ERBB2: variants seen among roughly 807,000 people sequenced by gnomAD.
The protein encoded by ERBB2 is receptor tyrosine-protein kinase erbB-2.
Under a neutral mutation model 149.0 loss-of-function variants are expected in ERBB2, and 61 were observed. That is an observed-to-expected ratio of 0.41 (90% confidence interval 0.33 to 0.51). The LOEUF (loss-of-function observed/expected upper bound fraction) is 0.51, where lower values mean the gene tolerates loss of function less well. Among genes scored for constraint, ERBB2 ranks in the 20% least tolerant of loss-of-function variants. The pLI, the probability that ERBB2 is intolerant of heterozygous loss-of-function variation, is 0.25. For missense variants in ERBB2, 1,205 were observed against 1,655.1 expected (o/e 0.73, Z 4.72); for synonymous variants, 633 against 678.8 (o/e 0.93, Z 1.05).
chr17:39,699,657 GA>G, upstream of ERBB2: 5 of 1,012,216 alleles, frequency 4.9e-6, no homozygotes, highest in Non-Finnish European at 7.5e-6. Context: ...ACCATTATTT[GA>G]TATTAAAACA....
chr17:39,699,994 A>C (rs761043239), upstream of ERBB2: 23 of 1,265,374 alleles, frequency 1.8e-5, no homozygotes, highest in Admixed American at 4.0e-5. Flanking sequence ...TCCCAATCAC[A>C]GGAGAAGGAG....
At chr17:39,724,066 GTCTGGGC>G in intron 19 of ERBB2, 56 bp downstream of exon 19, 1 of 1,294,664 alleles carries the variant, frequency 7.7e-7, no homozygotes, top group Non-Finnish European at 1.1e-6. Flanking sequence ...ATGGCTGCAG[GTCTGGGC>G]TCTGGTCTCT....
chr17:39,704,088 G>A (rs2058269933), intron 1 of ERBB2, among the ~76,000 whole-genome samples: 1 of 152,136 alleles, frequency 6.6e-6, no homozygotes, highest in South Asian at 2.1e-4. Flanking sequence ...GGTCCCTTTT[G>A]TTCGGAGACT....
At chr17:39,705,263 G>A (rs2058355720) in intron 1 of ERBB2, among the ~76,000 whole-genome samples, 1 of 152,216 alleles carries the variant, frequency 6.6e-6, no homozygotes. Context: ...AAGGGCTACA[G>A]GGGGTGGAGT....
chr17:39,726,786 C>A lies in ERBB2; in HGVS notation c.2971-29C>A, dbSNP rs2143161855. The A allele has an allele frequency of 3.2e-5, 52 of 1,605,312 alleles. No individual in the cohort carries two copies. Among genetic ancestry groups the A allele is most frequent in the Non-Finnish European group, 4.4e-5 (52 of 1,173,084 alleles). On this transcript the variant is annotated intron_variant, in intron 24 of 26. Transcript: ENST00000269571. This position sits in a 1 kb window ranked among gnomAD's most constrained non-coding sequence, Gnocchi z 5.1. ...GGCTGCATGCTGGGCTGGGGAGGGGCCACCATCCTGCCTCTCCTTCCTCCA... is the reference window on the plus strand; with the variant it reads ...GGCTGCATGCTGGGCTGGGGAGGGGACACCATCCTGCCTCTCCTTCCTCCA...
chr17:39,702,937 C>T (rs2058195443), intron 1 of ERBB2, among the ~76,000 whole-genome samples: 1 of 152,172 alleles, frequency 6.6e-6, no homozygotes, highest in Non-Finnish European at 1.5e-5. Flanking sequence ...TTATTCCAGC[C>T]AACAATAATG....
rs1435555023 is a variant in ERBB2 at position 39,724,830 on chromosome 17, C to G, written c.2412C>G (p.Gly804=). 1 of 1,614,130 alleles carries G rather than the reference C, an allele frequency of 6.2e-7. No individual in the cohort carries two copies. The highest frequency in any genetic ancestry group is 1.7e-5 in the Admixed American group (1 of 60,008). Residue 804 remains glycine, a synonymous_variant, in exon 20 of 27, where the codon GGC becomes GGG. Coordinates refer to ENST00000269571, the MANE Select transcript of ERBB2 (RefSeq NM_004448.4). ...VQLVTQLMPY[G]CLLDHVRENR... ...TGGTGACACAGCTTATGCCCTATGG[C>G]TGCCTCTTAGACCATGTCCGGGAAA...
chr17:39,698,699 G>C (rs1439958280), upstream of ERBB2, among the ~76,000 whole-genome samples: 1 of 152,166 alleles, frequency 6.6e-6, no homozygotes, highest in Non-Finnish European at 1.5e-5. Flanking sequence ...AGAAATGCAA[G>C]TGTATACCTG....
At chr17:39,689,845 G>T (rs1241029250) in intron 2 of ERBB2, among the ~76,000 whole-genome samples, 1 of 151,154 alleles carries the variant, frequency 6.6e-6, no homozygotes, top group Non-Finnish European at 1.5e-5. Context: ...GGCAGAGGTT[G>T]TGGTGAGCCA....
intron 15 of ERBB2, 84 bp downstream of exon 15, chr17:39,717,564 C>A (rs2145717028): frequency 8.9e-7 from 1 of 1,129,452 alleles, no homozygotes; most frequent in Non-Finnish European, 1.2e-6. Flanking sequence ...AGGGGACCAA[C>A]TCTCCCTTTG....
upstream of ERBB2, among the ~76,000 whole-genome samples, chr17:39,691,411 G>A (rs1019444356): frequency 2.6e-5 from 4 of 151,810 alleles, no homozygotes; most frequent in South Asian, 6.3e-4. Context: ...GGGCATGGTG[G>A]CACGTGCCTG....
At chr17:39,692,657 AGCCTCCCAAAGT>A (rs2057740484), upstream of ERBB2, among the ~76,000 whole-genome samples, 2 of 151,986 alleles carry the variant, frequency 1.3e-5, no homozygotes, top group African/African-American at 4.8e-5. Flanking sequence ...CGTCCGCCTC[AGCCTCCCAAAGT>A]GCTAGGATTA....
At chr17:39,710,594 A>C (rs2058740463) in intron 7 of ERBB2, 113 bp downstream of exon 7, 2 of 1,262,874 alleles carry the variant, frequency 1.6e-6, no homozygotes, top group Non-Finnish European at 2.2e-6. Context: ...TGGTCATGAC[A>C]GTTCCTGCCG....
At chr17:39,700,423 C>G in intron 1 of ERBB2, 112 bp downstream of exon 1, 4 of 928,218 alleles carry the variant, frequency 4.3e-6, no homozygotes, top group Non-Finnish European at 5.7e-6. Context: ...GCTCTCCTAT[C>G]CCGAAGTTGT....
rs1279411372 is a variant in ERBB2 at position 39,723,448 on chromosome 17, G to A, written c.2076G>A (p.Gln692=). The part of the protein sequence containing the change: ...IRKYTMRRLL[Q]ETELVEPLTP... ...AGTACACGATGCGGAGACTGCTGCA[G>A]GAAACGGAGGTGAGGCGGGGTGAAG... is the stretch of plus-strand genomic sequence containing the variant. Residue 692 remains glutamine (Q), a synonymous_variant, in exon 17 of 27, where the codon CAG becomes CAA. Coordinates refer to ENST00000269571, the MANE Select transcript of ERBB2 (RefSeq NM_004448.4). The surrounding 1 kb of genome is among the most constrained non-coding windows in gnomAD (Gnocchi z 6.2). 1 of 1,614,232 alleles carries A rather than the reference G, an allele frequency of 6.2e-7. No individual in the cohort carries two copies. The highest frequency in any genetic ancestry group is 1.7e-5 in the Admixed American group (1 of 60,028).
At chr17:39,700,338 A>G (rs2145272079) in intron 1 of ERBB2, 27 bp downstream of exon 1, 1 of 1,338,000 alleles carries the variant, frequency 7.5e-7, no homozygotes, top group Non-Finnish European at 9.6e-7. Context: ...GAGGGGACGG[A>G]GCAGCGGCGG....
At position 39,728,508 on chromosome 17, in the gene ERBB2, G is replaced by C. The variant is rs530844735; in HGVS notation, c.*464G>C. ...TCAGTATCCAGGCTTTGTACAGAGT[G>C]CTTTTCTGTTTAGTTTTTACTTTTT... On this transcript the variant is annotated 3_prime_UTR_variant, in exon 27 of 27. Coordinates refer to ENST00000269571, the MANE Select transcript of ERBB2 (RefSeq NM_004448.4). 1.1e-3 allele frequency: 256 copies of C among 240,148 alleles called. 1 individual carries two copies. The highest frequency in any genetic ancestry group is 4.9e-3 in the African/African-American group (224 of 45,708). 14.9% of individuals were successfully genotyped at this position (240,148 alleles called of 1,614,324 possible). A position where few individuals can be genotyped will look rare whatever the true frequency, so the allele number is the denominator to read the frequency against.
rs1364766454 is a variant in ERBB2 at position 39,727,733 on chromosome 17, C to A, written c.3457C>A (p.Arg1153=). 6.3e-7 allele frequency: 1 copy of A among 1,582,928 alleles called. No homozygotes were observed. Among genetic ancestry groups the A allele is most frequent in the East Asian group, 2.2e-5 (1 of 44,588 alleles). ...PDVRPQPPSP[R]EGPLPAARPA... ...TGTTCGGCCCCAGCCCCCTTCGCCC[C>A]GAGAGGGCCCTCTGCCTGCTGCCCG... The change falls in exon 27 of 27, where the codon CGA becomes AGA. Residue 1153 remains arginine (R), a synonymous_variant. Coordinates refer to ENST00000269571, the MANE Select transcript of ERBB2 (RefSeq NM_004448.4). This position sits in a 1 kb window ranked among gnomAD's most constrained non-coding sequence, Gnocchi z 4.3.
upstream of ERBB2, among the ~76,000 whole-genome samples, chr17:39,694,255 ATATATATATATATG>A (rs1484852320): frequency 6.3e-3 from 179 of 28,238 alleles, 9 homozygotes; most frequent in Middle Eastern, 0.021. Flanking sequence ...ATATATATAT[ATATATATATATATG>A]TGTGTATATA....
Sources: allele counts gnomAD v4.1 joint callset (sites outside exome capture counted in the v4.1 genomes callset), GRCh38; gene constraint gnomAD v4.1.1; non-coding constraint Gnocchi (gnomAD v3.1); transcripts MANE v1.5; gene names NCBI Gene and HGNC (gene_info 2026-07-23, HGNC 2026-07-21).